CSMD2: variants seen among roughly 807,000 people sequenced by gnomAD.
CSMD2 encodes the protein CUB and Sushi multiple domains 2, also known as CUB and sushi domain-containing protein 2.
CSMD2 carries 130 observed loss-of-function variants against 398.5 expected under a neutral mutation model. The observed-to-expected ratio is 0.33, with a 90% CI of 0.28 to 0.38. CSMD2 has a LOEUF of 0.38. Ranked by LOEUF, CSMD2 falls within the 10% of genes least tolerant of loss-of-function variation. The probability of loss-of-function intolerance (pLI) is 1.00; values close to 1 mark genes in which losing one functional copy is unlikely to be tolerated. For missense variants in CSMD2, 3,829 were observed against 4,764.9 expected (o/e 0.80, Z 5.78); for synonymous variants, 1,828 against 1,908.5 (o/e 0.96, Z 1.10).
At chr1:33,738,821 C>T (rs1157813913) in intron 15 of CSMD2, among the ~76,000 whole-genome samples, 2 of 152,340 alleles carry the variant, frequency 1.3e-5, no homozygotes, top group African/African-American at 2.4e-5. Flanking sequence ...CGGAGCTCCC[C>T]TGGGCAGGAG....
Position 33,676,163 on chromosome 1 carries a change from A to C in CSMD2, c.4053-13071T>G, listed in dbSNP as rs1054493587. 7.9e-5 allele frequency among the ~76,000 whole-genome samples: 12 copies of C among 152,288 alleles called. No homozygotes were observed. The South Asian group carries it at 1.9e-3, about 24-fold the overall frequency. On this transcript the variant is annotated intron_variant, in intron 25 of 70. Coordinates refer to ENST00000373381, the MANE Select transcript of CSMD2 (RefSeq NM_001281956.2). ...GTATTCAATTAGGAAAAGAGGAAAT[A>C]AAATTGTCCCTGTTTGCAGATGACA...
intron 25 of CSMD2, among the ~76,000 whole-genome samples, chr1:33,678,713 T>G (rs193286190): frequency 1.3e-5 from 2 of 152,242 alleles, no homozygotes; most frequent in Non-Finnish European, 2.9e-5. Flanking sequence ...ATGATCATAA[T>G]AGCAGACAAT....
intron 53 of CSMD2, among the ~76,000 whole-genome samples, chr1:33,562,481 T>C (rs752088993): frequency 6.6e-6 from 1 of 152,204 alleles, no homozygotes; most frequent in African/African-American, 2.4e-5. Flanking sequence ...TTGACTGGGA[T>C]GGAAGTTCTT....
chr1:33,658,101 G>A lies in CSMD2; in HGVS notation c.4292C>T (p.Pro1431Leu), dbSNP rs745658385. 3.4e-5 allele frequency: 55 copies of A among 1,614,010 alleles called. No homozygotes were observed. The highest frequency in any genetic ancestry group is 3.6e-5 in the Non-Finnish European group (43 of 1,180,022). ...TATSCNDPGI[P>L]QNGSRSGDSW... is the part of the protein sequence containing the mutation. ...GTCACCACTCCGACTCCCATTCTGC[G>A]GGATCCCAGGGTCATTGCAGGACGT... Residue 1431 changes from proline (P) to leucine (L), a missense_variant, in exon 27 of 71, where the codon CCG becomes CTG. Physicochemically the swap from Pro to Leu is moderately conservative, Grantham distance 98. Coordinates refer to ENST00000373381, the MANE Select transcript of CSMD2 (RefSeq NM_001281956.2).
chr1:33,609,566 T>C (rs565573263), intron 41 of CSMD2, among the ~76,000 whole-genome samples: 2 of 152,356 alleles, frequency 1.3e-5, no homozygotes, highest in East Asian at 1.9e-4. Flanking sequence ...TTGGAGGCTA[T>C]AGACAAAGAG....
intron 3 of CSMD2, among the ~76,000 whole-genome samples, chr1:34,017,131 T>G (rs555407813): frequency 2.8e-4 from 42 of 152,316 alleles, no homozygotes; most frequent in Middle Eastern, 3.4e-3. Flanking sequence ...GCTTGATCAA[T>G]CAAAGCCTTG....
intron 44 of CSMD2, among the ~76,000 whole-genome samples, chr1:33,590,981 C>CTTTTTTTTT (rs11374822): frequency 4.3e-4 from 29 of 67,172 alleles, no homozygotes; most frequent in Non-Finnish European, 5.7e-4. Flanking sequence ...TTTTATTTAT[C>CTTTTTTTTT]TTTTTTTTTT....
chr1:34,003,267 C>G (rs557098006), intron 3 of CSMD2, among the ~76,000 whole-genome samples: 63 of 152,126 alleles, frequency 4.1e-4, no homozygotes, highest in African/African-American at 5.6e-4. Context: ...CCCTTGAGGT[C>G]TTTACAGTGG....
At chr1:33,708,587 C>T (rs1209137782) in intron 22 of CSMD2, among the ~76,000 whole-genome samples, 11 of 34,646 alleles carry the variant, frequency 3.2e-4, no homozygotes, top group South Asian at 9.1e-4. Context: ...CTGCTCCAAC[C>T]GAACTTATTA....
chr1:34,019,030 T>A (rs1375980054), intron 3 of CSMD2, among the ~76,000 whole-genome samples: 1 of 152,212 alleles, frequency 6.6e-6, no homozygotes, highest in Non-Finnish European at 1.5e-5. Context: ...ACTTTACCTC[T>A]TACTAGCTGT....
intron 1 of CSMD2, among the ~76,000 whole-genome samples, chr1:34,120,327 C>T (rs705215): frequency 0.4 from 60,662 of 151,952 alleles, 12,690 homozygotes; most frequent in East Asian, 0.68. Context: ...ATGGGTGTAG[C>T]GTTGTTGCAG....
intron 2 of CSMD2, among the ~76,000 whole-genome samples, chr1:34,071,872 T>C (rs1035685914): frequency 2.0e-5 from 3 of 152,264 alleles, no homozygotes. Context: ...TATTTTATAG[T>C]CCTTCTATAT....
chr1:33,536,367 G>T (rs1655783376), intron 62 of CSMD2, among the ~76,000 whole-genome samples: 1 of 152,186 alleles, frequency 6.6e-6, no homozygotes, highest in Admixed American at 6.5e-5. Context: ...GGGACTACAG[G>T]CGCCCGCCAC....
chr1:33,700,025 T>G (rs1557752417), intron 23 of CSMD2, among the ~76,000 whole-genome samples: 2 of 152,152 alleles, frequency 1.3e-5, no homozygotes, highest in Non-Finnish European at 2.9e-5. Flanking sequence ...TTTTTTTCTT[T>G]TTTTAGACAG....
At chr1:33,679,656 T>C (rs1006193875) in intron 25 of CSMD2, among the ~76,000 whole-genome samples, 2 of 152,218 alleles carry the variant, frequency 1.3e-5, no homozygotes, top group Non-Finnish European at 2.9e-5. Context: ...TAGTATTAAA[T>C]AATCATCAAA....
chr1:33,613,331 T>C lies in CSMD2; in HGVS notation c.6133+1173A>G, dbSNP rs1255314252. ...TGGATGTTGCCCTCCCCACCTTCTA[T>C]CATCTTGGTTCTGCCTCAAGACTGG... On this transcript the variant is annotated intron_variant, in intron 40 of 70. Coordinates refer to ENST00000373381, the MANE Select transcript of CSMD2 (RefSeq NM_001281956.2). 3.9e-5 allele frequency among the ~76,000 whole-genome samples: 6 copies of C among 152,160 alleles called. No homozygotes were observed. The East Asian group carries it at 1.2e-3, about 29-fold the overall frequency.
At chr1:33,852,420 A>C (rs1338336413) in intron 5 of CSMD2, among the ~76,000 whole-genome samples, 2 of 152,242 alleles carry the variant, frequency 1.3e-5, no homozygotes, top group Non-Finnish European at 2.9e-5. Context: ...CCAGCTACAC[A>C]GAATGGCTTG....
chr1:33,916,129 G>A (rs1279911604), intron 5 of CSMD2, among the ~76,000 whole-genome samples: 40 of 152,126 alleles, frequency 2.6e-4, no homozygotes, highest in Non-Finnish European at 7.4e-5. Context: ...GTATATTTTG[G>A]AGGCATCTGT....
intron 1 of CSMD2, among the ~76,000 whole-genome samples, chr1:34,098,423 AT>A (rs1490090841): frequency 8.7e-5 from 13 of 150,094 alleles, no homozygotes; most frequent in South Asian, 6.3e-4. Context: ...TAATAAAAAA[AT>A]AAATAAATAA....
Sources: allele counts gnomAD v4.1 joint callset (sites outside exome capture counted in the v4.1 genomes callset), GRCh38; gene constraint gnomAD v4.1.1; transcripts MANE v1.5; gene names NCBI Gene and HGNC (gene_info 2026-07-23, HGNC 2026-07-21).